The following PKD1L1 variants were observed in gnomAD, a reference collection of about 807,000 sequenced individuals.
PKD1L1 encodes the protein polycystin 1 like 1, transient receptor potential channel interacting.
Under a neutral mutation model 323.4 loss-of-function variants are expected in PKD1L1, and 236 were observed. That is an observed-to-expected ratio of 0.73 (90% CI 0.66 to 0.81). PKD1L1 has a LOEUF of 0.81. Among genes scored for constraint, PKD1L1 ranks in the 40% least tolerant of loss-of-function variants. The probability of loss-of-function intolerance (pLI) is 0.00; values close to 1 mark genes in which losing one functional copy is unlikely to be tolerated. For missense variants in PKD1L1, 3,320 were observed against 3,508.0 expected (o/e 0.95, Z 1.35); for synonymous variants, 1,344 against 1,335.0 (o/e 1.01, Z -0.15).
At chr7:47,915,158 C>T (rs796756904) in intron 8 of PKD1L1, among the ~76,000 whole-genome samples, 14 of 152,326 alleles carry the variant, frequency 9.2e-5, no homozygotes, top group African/African-American at 3.4e-4. Context: ...ATGCAAACCT[C>T]CTCTAAATGA....
rs1562994390 is a variant in PKD1L1, at chr7:47,929,199, C to T, written c.1060+5G>A. On this transcript the variant is annotated splice_donor_5th_base_variant and intron_variant, in intron 7 of 56. Transcript: ENST00000289672. Reference sequence around the variant, plus strand: ...GGCTCCTGATAAGGACACCATGCACCTTACCTTTTGAGTACTGGTGGTAGG... The same window carrying T: ...GGCTCCTGATAAGGACACCATGCACTTTACCTTTTGAGTACTGGTGGTAGG... The T allele has an allele frequency of 2.5e-6, 4 of 1,612,924 alleles. No homozygotes were observed. The South Asian group carries it at 4.4e-5, about 18-fold the overall frequency.
chr7:47,806,224 G>C (rs1438645208), intron 52 of PKD1L1, among the ~76,000 whole-genome samples: 2 of 152,208 alleles, frequency 1.3e-5, no homozygotes. Flanking sequence ...TCCGCATCAG[G>C]TGAAAAGAAC....
rs1258164080 is a variant in PKD1L1, at chr7:47,796,266, T to A, written c.8194-116A>T. On this transcript the variant is annotated intron_variant, in intron 54 of 56. Coordinates refer to ENST00000289672, the MANE Select transcript of PKD1L1 (RefSeq NM_138295.5). ...TATCTGATGATGCTACTTTACGAGC[T>A]TTTGGTAAAATAGTGATTTCTTGGT... 4.0e-5 allele frequency: 41 copies of A among 1,026,932 alleles called. 1 individual carries two copies. In the South Asian group the frequency reaches 7.2e-4, roughly 18 times the overall value. The allele number at this position is 1,026,932 out of a possible 1,614,324, so 63.6% of individuals were successfully genotyped here. A position where few individuals can be genotyped will look rare whatever the true frequency, so the allele number is the denominator to read the frequency against.
At chr7:47,958,968 C>T in the PKD1L1 span, among the ~76,000 whole-genome samples, 3 of 152,174 alleles carry the variant, frequency 2.0e-5, no homozygotes, top group South Asian at 2.1e-4. Context: ...ATTGCAGGCG[C>T]GCGCCACCAT....
At chr7:47,874,718 T>C (rs1010045515) in intron 23 of PKD1L1, among the ~76,000 whole-genome samples, 7 of 127,124 alleles carry the variant, frequency 5.5e-5, no homozygotes, top group African/African-American at 2.6e-4. Context: ...ATATAGAAAA[T>C]CCCAAAGGAG....
intron 12 of PKD1L1, among the ~76,000 whole-genome samples, chr7:47,902,947 T>C (rs1787124182): frequency 6.6e-6 from 1 of 152,170 alleles, no homozygotes; most frequent in African/African-American, 2.4e-5. Flanking sequence ...TATTTCCTGC[T>C]CCATGGATCA....
chr7:47,791,458 A>G (rs1287800539), intron 56 of PKD1L1, among the ~76,000 whole-genome samples: 1 of 80,072 alleles, frequency 1.2e-5, no homozygotes, highest in Non-Finnish European at 2.7e-5. Context: ...CATTTCAAAG[A>G]GACATTTTTT....
intron 14 of PKD1L1, 130 bp from the exon 15 acceptor site, chr7:47,894,189 A>C (rs1213612749): frequency 6.7e-6 from 5 of 746,526 alleles, no homozygotes; most frequent in Non-Finnish European, 1.0e-5. Flanking sequence ...CAACTAAAAC[A>C]GTCTTGGTAG....
At chr7:47,814,451 C>A (rs1784971946) in intron 47 of PKD1L1, among the ~76,000 whole-genome samples, 1 of 152,206 alleles carries the variant, frequency 6.6e-6, no homozygotes, top group African/African-American at 2.4e-5. Flanking sequence ...GTGACCTGAG[C>A]TCACTGCAAT....
Position 47,894,016 on chromosome 7 carries a change from C to A in PKD1L1, c.2315G>T (p.Gly772Val). 1 of 1,607,246 alleles carries A rather than the reference C, an allele frequency of 6.2e-7. No homozygotes were observed. The highest frequency in any genetic ancestry group is 8.5e-7 in the Non-Finnish European group (1 of 1,176,768). ...AGGGGCCTGGGCTCGCACCTCCAGG[C>A]CCACACAGTAGTTGCTGTACACCAC... is the stretch of plus-strand genomic sequence containing the variant. ...GSVVYSNYCV[G>V]LEVRAQAPVS... The change falls in exon 15 of 57, where the codon GGC (glycine) becomes GTC (valine). Residue 772 changes from glycine to valine, a missense_variant. By Grantham distance (109) the Gly-to-Val change is moderately radical (BLOSUM62 -3). Transcript: ENST00000289672.
chr7:47,809,389 A>G (rs1167111123), intron 51 of PKD1L1, 84 bp downstream of exon 51: 1 of 1,096,852 alleles, frequency 9.1e-7, no homozygotes, highest in Non-Finnish European at 1.3e-6. Flanking sequence ...CTAGTGCATA[A>G]TCAATTTCTT....
At chr7:47,882,172 A>G (rs1319442919) in intron 19 of PKD1L1, 87 bp from the exon 20 acceptor site, 6 of 1,358,624 alleles carry the variant, frequency 4.4e-6, no homozygotes, top group Non-Finnish European at 6.2e-6. Context: ...TGATATTAAT[A>G]ACTATTTGTA....
intron 2 of PKD1L1, among the ~76,000 whole-genome samples, chr7:47,940,662 G>A (rs1399755837): frequency 1.3e-5 from 2 of 152,202 alleles, no homozygotes; most frequent in African/African-American, 4.8e-5. Context: ...GTGTAGTAGA[G>A]GGGGCAACAC....
At chr7:47,927,543 C>T (rs939807832) in intron 7 of PKD1L1, among the ~76,000 whole-genome samples, 15 of 152,114 alleles carry the variant, frequency 9.9e-5, no homozygotes, top group African/African-American at 3.6e-4. Context: ...GTATTACAGG[C>T]GTGAGCCACC....
At position 47,800,675 on chromosome 7, in the gene PKD1L1, C is replaced by T; in HGVS notation, c.8167G>A (p.Val2723Ile). Residue 2723 changes from valine (V) to isoleucine (I), a missense_variant, in exon 54 of 57, where the codon GTC becomes ATC. Val to Ile is a conservative substitution (Grantham distance 29). Coordinates refer to ENST00000289672, the MANE Select transcript of PKD1L1 (RefSeq NM_138295.5). ...ATTCCAAAACACAGTGTGGCAGAGA[C>T]TATTAAAAGGATCCCAAAGTAACAA... The part of the protein sequence containing the change: ...MACYFGILLI[V>I]SATLCFGMLR... 1 of 1,614,176 alleles carries T rather than the reference C, an allele frequency of 6.2e-7. No individual in the cohort carries two copies. The highest frequency in any genetic ancestry group is 8.5e-7 in the Non-Finnish European group (1 of 1,180,036).
Position 47,855,223 on chromosome 7 carries a change from T to C in PKD1L1, c.4633A>G (p.Arg1545Gly), listed in dbSNP as rs1785871878. The change falls in exon 29 of 57, where the codon AGA (arginine) becomes GGA (glycine). Residue 1545 changes from arginine (R) to glycine (G), a missense_variant. Transcript: ENST00000289672. ...VGLNLYTCSS[R>G]RPINRQWLRK... ...AGCCATTGCCTGTTGATGGGTCTTC[T>C]GCTGGAGCAGGTATAGAGGTTGAGG... The C allele has an allele frequency of 5.0e-6, 8 of 1,614,216 alleles. No homozygotes were observed. The highest frequency in any genetic ancestry group is 6.8e-6 in the Non-Finnish European group (8 of 1,180,034).
At chr7:47,899,171 A>G (rs1330320236) in intron 13 of PKD1L1, among the ~76,000 whole-genome samples, 1 of 152,042 alleles carries the variant, frequency 6.6e-6, no homozygotes, top group Non-Finnish European at 1.5e-5. Context: ...TCAATTGTAG[A>G]TGTTACTTTT....
At chr7:47,904,710 A>G (rs1787163546) in intron 11 of PKD1L1, 93 bp from the exon 12 acceptor site, 3 of 1,110,332 alleles carry the variant, frequency 2.7e-6, no homozygotes, top group Non-Finnish European at 1.3e-6. Flanking sequence ...TTTAAGAGGA[A>G]GGCGGGGGAG....
chr7:47,915,476 T>C lies in PKD1L1; in HGVS notation c.1184A>G (p.Asp395Gly), dbSNP rs757734406. 3.6e-5 allele frequency: 43 copies of C among 1,179,346 alleles called. No homozygotes were observed. Among genetic ancestry groups the C allele is most frequent in the Admixed American group, 6.7e-5 (4 of 59,476 alleles). 73.1% of individuals were successfully genotyped at this position (1,179,346 alleles called of 1,614,324 possible). Residue 395 changes from aspartate to glycine, a missense_variant, in exon 8 of 57, where the codon GAC becomes GGC. By Grantham distance (94) the Asp-to-Gly change is moderately conservative. Coordinates refer to ENST00000289672, the MANE Select transcript of PKD1L1 (RefSeq NM_138295.5). Reference sequence around the variant, plus strand: ...AAGCTCATATCCAAGGTTACTGGGGTCTGAGTCTTCCAGGCAGCTGTTTTC... The same window carrying C: ...AAGCTCATATCCAAGGTTACTGGGGCCTGAGTCTTCCAGGCAGCTGTTTTC... ...QSENSCLEDS[D>G]PSNLGYELIS...
Sources: gnomAD v4.1 joint callset for allele counts (sites outside exome capture counted in the v4.1 genomes callset) on GRCh38, gnomAD v4.1.1 for gene constraint, MANE v1.5 for transcripts, NCBI Gene and HGNC (gene_info 2026-07-23, HGNC 2026-07-21) for gene names.